Variants in MACROD1 observed in about 807,000 individuals in gnomAD.
MACROD1 encodes ADP-ribose glycohydrolase MACROD1.
MACROD1 carries 31 observed loss-of-function variants against 41.4 expected under a neutral mutation model. The ratio of observed to expected loss-of-function variants is 0.75; its 90% confidence interval spans 0.56 to 1.01. The LOEUF (loss-of-function observed/expected upper bound fraction) is 1.01, where lower values mean the gene tolerates loss of function less well. MACROD1 is among the 50% of genes least tolerant of loss of function. The pLI is 0.00. For synonymous variants in MACROD1, 252 were observed against 203.4 expected, an observed-to-expected ratio of 1.24 and a Z score of -2.03; for missense variants, 473 against 460.0, an observed-to-expected ratio of 1.03 and a Z score of -0.26.
chr11:64,128,783 G>T (rs563369047), intron 3 of MACROD1, among the ~76,000 whole-genome samples: 2 of 146,650 alleles, frequency 1.4e-5, no homozygotes, highest in Non-Finnish European at 1.5e-5. Flanking sequence ...CCCTTCCCAC[G>T]CCTCGCTTGG....
At chr11:64,058,221 G>C (rs914419610) in intron 3 of MACROD1, among the ~76,000 whole-genome samples, 6 of 152,254 alleles carry the variant, frequency 3.9e-5, no homozygotes, top group African/African-American at 1.4e-4. Context: ...TAGAGAGGTG[G>C]GCATCTGAGC....
intron 3 of MACROD1, among the ~76,000 whole-genome samples, chr11:64,123,423 T>C (rs1165993461): frequency 6.6e-6 from 1 of 152,024 alleles, no homozygotes; most frequent in Non-Finnish European, 1.5e-5. Flanking sequence ...CTAAATTGAT[T>C]AGGAGAGATT....
chr11:64,002,277 C>T (rs550261287), intron 4 of MACROD1, among the ~76,000 whole-genome samples: 2 of 152,308 alleles, frequency 1.3e-5, no homozygotes, highest in South Asian at 2.1e-4. Context: ...CGACCTCGGC[C>T]AGCTGTGGGG....
intron 3 of MACROD1, among the ~76,000 whole-genome samples, chr11:64,121,687 C>T (rs1565246217): frequency 6.6e-6 from 1 of 152,220 alleles, no homozygotes; most frequent in African/African-American, 2.4e-5. Context: ...CCTGGGATGC[C>T]AACCCCAGCC....
chr11:64,094,689 AAAAGTGGTT>A (rs1944547343), intron 3 of MACROD1, among the ~76,000 whole-genome samples: 2 of 152,298 alleles, frequency 1.3e-5, no homozygotes, highest in African/African-American at 4.8e-5. Flanking sequence ...TGTCTTTGGG[AAAAGTGGTT>A]CAGGGAGGCT....
At position 64,153,028 on chromosome 11, in the gene MACROD1, G is replaced by A. The variant is rs1231662136; in HGVS notation, c.299-635C>T. Among the ~76,000 whole-genome samples, 3 of 152,228 alleles carry A rather than the reference G, an allele frequency of 2.0e-5. No homozygotes were observed. The East Asian group carries it at 5.8e-4, about 29-fold the overall frequency. On this transcript the variant is annotated intron_variant, in intron 1 of 10. Coordinates refer to ENST00000255681, the MANE Select transcript of MACROD1 (RefSeq NM_014067.4). ...GGAAACCGGGGCTCAGGGAGGTTGG[G>A]AGGCCACCCTCACACAGCAGGGACT...
intron 3 of MACROD1, among the ~76,000 whole-genome samples, chr11:64,083,501 G>A (rs567437019): frequency 2.6e-5 from 4 of 152,254 alleles, no homozygotes; most frequent in South Asian, 2.1e-4. Context: ...TGTCCGCTTC[G>A]GGTGCCTGGC....
intron 3 of MACROD1, among the ~76,000 whole-genome samples, chr11:64,108,648 G>A (rs993020167): frequency 3.9e-5 from 6 of 152,246 alleles, no homozygotes; most frequent in African/African-American, 1.4e-4. Context: ...GTGGGACTGG[G>A]GTCCCACTGG....
chr11:64,016,297 G>T (rs549280010), intron 3 of MACROD1, among the ~76,000 whole-genome samples: 1 of 152,366 alleles, frequency 6.6e-6, no homozygotes, highest in Non-Finnish European at 1.5e-5. Context: ...GCCTGCGTCC[G>T]TGGTAACTGC....
intron 3 of MACROD1, among the ~76,000 whole-genome samples, chr11:64,135,373 C>T (rs965963588): frequency 2.6e-5 from 4 of 152,224 alleles, no homozygotes; most frequent in Non-Finnish European, 5.9e-5. Flanking sequence ...AGAGCAACCC[C>T]GGCCAGGGCC....
chr11:64,084,025 C>G (rs111560680), intron 3 of MACROD1, among the ~76,000 whole-genome samples: 4,245 of 152,284 alleles, frequency 0.028, 218 homozygotes, highest in African/African-American at 0.097. Context: ...ACTGGTCCCT[C>G]AGGAGGCAGA....
intron 3 of MACROD1, among the ~76,000 whole-genome samples, chr11:64,078,179 G>A (rs373566154): frequency 1.8e-3 from 277 of 152,246 alleles, no homozygotes; most frequent in African/African-American, 4.9e-3. Flanking sequence ...CTCTGTGCCC[G>A]CCCCAGAGAT....
At chr11:64,009,255 T>C (rs1942964823) in intron 4 of MACROD1, 1 of 152,194 alleles carries the variant, frequency 6.6e-6, no homozygotes, top group Admixed American at 6.5e-5. Flanking sequence ...AATGTTTTTA[T>C]TGAGCCAGTA....
At chr11:64,074,653 A>G (rs931869089) in intron 3 of MACROD1, among the ~76,000 whole-genome samples, 11 of 152,202 alleles carry the variant, frequency 7.2e-5, no homozygotes, top group Non-Finnish European at 1.5e-4. Context: ...CCCTTACAGC[A>G]TGTCCAAGTA....
At chr11:64,075,193 A>G (rs1944179300) in intron 3 of MACROD1, among the ~76,000 whole-genome samples, 1 of 152,202 alleles carries the variant, frequency 6.6e-6, no homozygotes, top group Admixed American at 6.5e-5. Context: ...TGAGGCCATG[A>G]GCCTGGACCA....
At chr11:64,159,927 T>G (rs1232614166) in intron 1 of MACROD1, among the ~76,000 whole-genome samples, 1 of 152,164 alleles carries the variant, frequency 6.6e-6, no homozygotes. Context: ...CCTGAAGGTA[T>G]GTACATACCT....
chr11:64,008,104 G>C (rs1172734764), intron 4 of MACROD1, among the ~76,000 whole-genome samples: 1 of 152,258 alleles, frequency 6.6e-6, no homozygotes, highest in Admixed American at 6.5e-5. Flanking sequence ...TGAATACTTA[G>C]AGGCCTGGGC....
At chr11:64,115,655 G>C (rs556050379) in intron 3 of MACROD1, among the ~76,000 whole-genome samples, 1 of 152,352 alleles carries the variant, frequency 6.6e-6, no homozygotes, top group East Asian at 1.9e-4. Flanking sequence ...CGTTCCCGCA[G>C]GTTCTGGCGA....
At position 64,041,068 on chromosome 11, in the gene MACROD1, G is replaced by A. The variant is rs370762776; in HGVS notation, c.518-25787C>T. 6.1e-4 allele frequency among the ~76,000 whole-genome samples: 92 copies of A among 151,956 alleles called. No individual in the cohort carries two copies. The East Asian group carries it at 0.011, about 18-fold the overall frequency. ...GGGATTAAAACTGGGGTCACGGGGC[G>A]CTAGTCCTGGCCATTCCTGCCCGCG... is the stretch of plus-strand genomic sequence containing the variant. On this transcript the variant is annotated intron_variant, in intron 3 of 10. Transcript: ENST00000255681.
Sources: allele counts gnomAD v4.1 joint callset (sites outside exome capture counted in the v4.1 genomes callset), GRCh38; gene constraint gnomAD v4.1.1; transcripts MANE v1.5; gene names NCBI Gene and HGNC (gene_info 2026-07-23, HGNC 2026-07-21).